The following RTL4 variants were observed in gnomAD, a reference collection of about 807,000 sequenced individuals.
RTL4 encodes retrotransposon Gag-like protein 4.
Under a neutral mutation model 5.3 loss-of-function variants are expected in RTL4, and 4 were observed. The observed-to-expected ratio is 0.75, with a 90% CI of 0.37 to 1.72. The LOEUF is 1.72. Among genes scored for constraint, RTL4 ranks in the 40% most tolerant of loss-of-function variants. The pLI is 0.04. For missense variants in RTL4, 260 were observed against 227.1 expected (o/e 1.14, Z -0.93); for synonymous variants, 98 against 87.3 (o/e 1.12, Z -0.68).
the RTL4 span, among the ~76,000 whole-genome samples, chrX:112,147,196 G>A: frequency 0.024 from 2,593 of 109,339 alleles, 82 homozygotes; most frequent in African/African-American, 0.08. Context: ...TCAAACAAAA[G>A]TAAGTACAGA....
At chrX:112,197,418 C>A in the RTL4 span, among the ~76,000 whole-genome samples, 1 of 110,079 alleles carries the variant, frequency 9.1e-6, no homozygotes, top group African/African-American at 3.3e-5. Flanking sequence ...TTCAGCATGG[C>A]GGATGGACCA....
At chrX:112,210,580 C>T in the RTL4 span, among the ~76,000 whole-genome samples, 1 of 112,039 alleles carries the variant, frequency 8.9e-6, no homozygotes, top group Non-Finnish European at 1.9e-5. Flanking sequence ...TACTTTCCTC[C>T]AGATCAGAAA....
At chrX:112,352,654 T>A in the RTL4 span, among the ~76,000 whole-genome samples, 2 of 111,192 alleles carry the variant, frequency 1.8e-5, no homozygotes, top group Non-Finnish European at 3.8e-5. Context: ...CTGGATCCCT[T>A]CCTTACACCT....
exon 1 of RTL4, chrX:112,456,872 T>G: frequency 8.1e-6 from 1 of 123,873 alleles, no homozygotes. Context: ...GTCGGGATTT[T>G]ATTGCTTATG....
At chrX:112,226,562 T>C in the RTL4 span, among the ~76,000 whole-genome samples, 1 of 111,788 alleles carries the variant, frequency 8.9e-6, no homozygotes, top group African/African-American at 3.3e-5. Flanking sequence ...ATCAGATATA[T>C]AGAGAGATAG....
At chrX:112,258,735 C>T in the RTL4 span, among the ~76,000 whole-genome samples, 1 of 111,277 alleles carries the variant, frequency 9.0e-6, no homozygotes, top group Non-Finnish European at 1.9e-5. Flanking sequence ...ATCAGTTTTC[C>T]TACATGACTC....
chrX:112,149,446 G>A, the RTL4 span, among the ~76,000 whole-genome samples: 3 of 111,320 alleles, frequency 2.7e-5, no homozygotes, highest in Admixed American at 9.6e-5. Context: ...CTGAGAAGGT[G>A]AGATTTGAGT....
At chrX:112,129,343 A>G in the RTL4 span, among the ~76,000 whole-genome samples, 1 of 112,309 alleles carries the variant, frequency 8.9e-6, no homozygotes, top group Non-Finnish European at 1.9e-5. Context: ...ACTCATAGGT[A>G]TATACCTAAC....
the RTL4 span, among the ~76,000 whole-genome samples, chrX:112,193,183 C>T: frequency 6.0e-3 from 666 of 110,834 alleles, no homozygotes; most frequent in Non-Finnish European, 0.01. Context: ...TGTATATTTA[C>T]GGGGTACATT....
the RTL4 span, among the ~76,000 whole-genome samples, chrX:112,433,074 C>G: frequency 8.2e-5 from 9 of 110,251 alleles, no homozygotes; most frequent in Non-Finnish European, 1.3e-4. Context: ...GGGCTCTGTT[C>G]TGTTCCATTG....
At chrX:112,426,849 G>T in the RTL4 span, among the ~76,000 whole-genome samples, 2 of 110,648 alleles carry the variant, frequency 1.8e-5, no homozygotes, top group East Asian at 5.7e-4. Flanking sequence ...TACATGTTCT[G>T]CACTTGCATC....
the RTL4 span, among the ~76,000 whole-genome samples, chrX:112,123,750 T>G: frequency 3.6e-5 from 4 of 111,866 alleles, no homozygotes; most frequent in East Asian, 1.1e-3. Flanking sequence ...GGTAGCATGA[T>G]GCTCCAGCTT....
the RTL4 span, among the ~76,000 whole-genome samples, chrX:112,428,667 A>T: frequency 8.9e-6 from 1 of 111,797 alleles, no homozygotes; most frequent in Admixed American, 9.5e-5. Context: ...AATTGTATAG[A>T]GTCGTTTGAT....
the RTL4 span, among the ~76,000 whole-genome samples, chrX:112,441,853 A>C: frequency 8.9e-6 from 1 of 112,282 alleles, no homozygotes; most frequent in Non-Finnish European, 1.9e-5. Flanking sequence ...TTTATTTGTA[A>C]TGGCCTCACA....
At chrX:112,431,549 G>T in the RTL4 span, among the ~76,000 whole-genome samples, 3 of 110,780 alleles carry the variant, frequency 2.7e-5, no homozygotes, top group African/African-American at 9.9e-5. Context: ...GGAAATTTCT[G>T]CTCCTGGGTT....
chrX:112,248,769 G>T, the RTL4 span, among the ~76,000 whole-genome samples: 1 of 112,009 alleles, frequency 8.9e-6, no homozygotes, highest in African/African-American at 3.2e-5. Context: ...TTGAAAATAG[G>T]CTAGGGGGTA....
the RTL4 span, among the ~76,000 whole-genome samples, chrX:112,329,013 G>A: frequency 1.6e-4 from 18 of 111,649 alleles, no homozygotes; most frequent in Non-Finnish European, 2.8e-4. Context: ...AAAGCAGTGT[G>A]TAGAGGAAAA....
At chrX:112,321,527 T>C in the RTL4 span, among the ~76,000 whole-genome samples, 4 of 83,139 alleles carry the variant, frequency 4.8e-5, no homozygotes, top group Non-Finnish European at 6.5e-5. Context: ...AGAGCGAGAC[T>C]CCGTCTCAAA....
At chrX:112,330,880 A>T in the RTL4 span, among the ~76,000 whole-genome samples, 1,694 of 111,201 alleles carry the variant, frequency 0.015, 34 homozygotes, top group African/African-American at 0.052. Context: ...GATCTTTGAC[A>T]AACCTGAGAA....
Sources: allele counts gnomAD v4.1 joint callset (sites outside exome capture counted in the v4.1 genomes callset), GRCh38; gene constraint gnomAD v4.1.1; transcripts MANE v1.5; gene names NCBI Gene and HGNC (gene_info 2026-07-23, HGNC 2026-07-21).